Variants in AGT observed in about 807,000 individuals in gnomAD.
The protein encoded by AGT is angiotensinogen, also known as alpha-1 antiproteinase, antitrypsin.
A neutral mutation model predicts 28.1 loss-of-function variants in AGT; 26 were observed. That is an observed-to-expected ratio of 0.92 (90% CI 0.68 to 1.28). The LOEUF is 1.28. Ranked by LOEUF, AGT falls within the 50% of genes most tolerant of loss-of-function variation. The pLI is 0.00. For synonymous variants in AGT, 259 were observed against 259.6 expected (o/e 1.00, Z 0.02); for missense variants, 596 against 592.3 (o/e 1.01, Z -0.06).
At chr1:230,712,322 G>A (rs531960600) in intron 1 of AGT, among the ~76,000 whole-genome samples, 75 of 152,214 alleles carry the variant, frequency 4.9e-4, no homozygotes, top group Middle Eastern at 3.4e-3. Flanking sequence ...CCCTCAACAC[G>A]GTGCAGCTGC....
intron 1 of AGT, among the ~76,000 whole-genome samples, chr1:230,730,108 A>G (rs1341541039): frequency 6.6e-6 from 1 of 152,178 alleles, no homozygotes; most frequent in South Asian, 2.1e-4. Context: ...TTTAGTAGAG[A>G]CAGGGTTTCA....
Position 230,709,845 on chromosome 1 carries a change from G to A in AGT, c.829+150C>T, listed in dbSNP as rs371986889. The A allele has an allele frequency of 2.5e-4, 289 of 1,161,236 alleles. 1 individual carries two copies. The African/African-American group carries it at 2.6e-3, about 10-fold the overall frequency. The allele number at this position is 1,161,236 out of a possible 1,614,324, so 71.9% of individuals were successfully genotyped here. On this transcript the variant is annotated intron_variant, in intron 2 of 4. Transcript: ENST00000366667. ...TGGACGGCCCATCCAGGGACCCAGC[G>A]GAGCAGCCACTTCCCCACTTCTCAA...
chr1:230,728,833 A>G (rs1377862064), intron 1 of AGT, among the ~76,000 whole-genome samples: 1 of 152,206 alleles, frequency 6.6e-6, no homozygotes, highest in Non-Finnish European at 1.5e-5. Flanking sequence ...AACACATCCA[A>G]CACAACCTTA....
At chr1:230,727,834 A>G (rs1216214875) in intron 1 of AGT, among the ~76,000 whole-genome samples, 1 of 152,230 alleles carries the variant, frequency 6.6e-6, no homozygotes, top group Non-Finnish European at 1.5e-5. Flanking sequence ...TAATATTGTA[A>G]CCACCCAATT....
At chr1:230,735,318 G>A (rs1030088519) in intron 1 of AGT, among the ~76,000 whole-genome samples, 2 of 152,180 alleles carry the variant, frequency 1.3e-5, no homozygotes, top group Non-Finnish European at 2.9e-5. Context: ...GAGTGGGCGA[G>A]CAACCTGGTT....
chr1:230,710,805 T>A lies in AGT; in HGVS notation c.19A>T (p.Ser7Cys). 6.2e-7 allele frequency: 1 copy of A among 1,614,084 alleles called. No individual in the cohort carries two copies. The highest frequency in any genetic ancestry group is 8.5e-7 in the Non-Finnish European group (1 of 1,180,030). MAPAGV[S>C]LRATILCLLA... ...AGGCAGAGGATGGTGGCCCTCAGGC[T>A]CACACCGGCAGGAGCCATCTCAGAC... Residue 7 changes from serine to cysteine, a missense_variant, in exon 2 of 5, where the codon AGC becomes TGC. Transcript: ENST00000366667.
upstream of AGT, among the ~76,000 whole-genome samples, chr1:230,718,466 G>A (rs148660365): frequency 2.0e-3 from 297 of 152,008 alleles, no homozygotes; most frequent in African/African-American, 6.9e-3. Context: ...CATGTTGTAC[G>A]CTGGATCTCT....
intron 1 of AGT, among the ~76,000 whole-genome samples, chr1:230,727,708 A>C (rs545345325): frequency 1.3e-5 from 2 of 152,302 alleles, no homozygotes; most frequent in East Asian, 3.9e-4. Flanking sequence ...GGGAACCAAT[A>C]ATTCTCATCT....
At chr1:230,718,888 G>T (rs1385177147), upstream of AGT, among the ~76,000 whole-genome samples, 1 of 151,884 alleles carries the variant, frequency 6.6e-6, no homozygotes, top group Non-Finnish European at 1.5e-5. Flanking sequence ...ATGACACCTG[G>T]CCAACTTTTT....
chr1:230,737,848 T>C (rs1664182801), intron 1 of AGT, among the ~76,000 whole-genome samples: 1 of 152,180 alleles, frequency 6.6e-6, no homozygotes, highest in South Asian at 2.1e-4. Flanking sequence ...GATTTCATCA[T>C]CTCAAAAAGA....
intron 1 of AGT, among the ~76,000 whole-genome samples, chr1:230,723,852 C>A (rs1445353107): frequency 1.3e-5 from 2 of 152,152 alleles, no homozygotes; most frequent in Non-Finnish European, 2.9e-5. Context: ...GTGATATATG[C>A]ATTGTTGGTA....
At chr1:230,736,358 C>A (rs1017131159) in intron 1 of AGT, among the ~76,000 whole-genome samples, 3 of 151,976 alleles carry the variant, frequency 2.0e-5, no homozygotes, top group Admixed American at 1.3e-4. Context: ...CCCATCTCTA[C>A]TAAAAATACA....
At chr1:230,729,424 T>G (rs1217015613) in intron 1 of AGT, among the ~76,000 whole-genome samples, 1 of 152,252 alleles carries the variant, frequency 6.6e-6, no homozygotes, top group African/African-American at 2.4e-5. Context: ...AAACTTGTAA[T>G]TATAAGCACT....
At chr1:230,743,851 CAAG>C (rs1467291965) in intron 1 of AGT, among the ~76,000 whole-genome samples, 1 of 152,214 alleles carries the variant, frequency 6.6e-6, no homozygotes, top group East Asian at 1.9e-4. Context: ...TCAAGATGAA[CAAG>C]AAGAAGAGAA....
At chr1:230,715,221 A>G (rs894912196), upstream of AGT, among the ~76,000 whole-genome samples, 1 of 152,204 alleles carries the variant, frequency 6.6e-6, no homozygotes, top group African/African-American at 2.4e-5. Flanking sequence ...CCTCTTTTTT[A>G]CCCATTACTC....
At chr1:230,717,536 C>T (rs908069548), upstream of AGT, among the ~76,000 whole-genome samples, 1 of 152,094 alleles carries the variant, frequency 6.6e-6, no homozygotes, top group Non-Finnish European at 1.5e-5. Flanking sequence ...TGCCTCTGAG[C>T]CAAAACTAAT....
chr1:230,704,196 C>G lies in AGT; in HGVS notation c.1239G>C (p.Gly413=). 11 of 1,614,264 alleles carry G rather than the reference C, an allele frequency of 6.8e-6. No homozygotes were observed. The highest frequency in any genetic ancestry group is 8.5e-6 in the Non-Finnish European group (10 of 1,180,048). Residue 413 remains glycine (G), a synonymous_variant, in exon 4 of 5, where the codon GGG becomes GGC. Coordinates refer to ENST00000366667, the MANE Select transcript of AGT (RefSeq NM_001384479.1). ...QKLSNDRIRV[G]EVLNSIFFEL... ...ACAGACACAGGCTCACACATACCTC[C>G]CCCACCCTGATGCGGTCATTGCTCA...
chr1:230,723,309 G>C (rs937769836), intron 1 of AGT, among the ~76,000 whole-genome samples: 5 of 152,164 alleles, frequency 3.3e-5, no homozygotes, highest in Admixed American at 3.3e-4. Flanking sequence ...TATTTATTTA[G>C]AGCAGTGTGA....
At chr1:230,711,576 G>A (rs1322097937) in intron 1 of AGT, among the ~76,000 whole-genome samples, 1 of 152,052 alleles carries the variant, frequency 6.6e-6, no homozygotes, top group East Asian at 1.9e-4. Context: ...GCTCATTCGA[G>A]GGCCCTAGGG....
Sources: gnomAD v4.1 joint callset for allele counts (sites outside exome capture counted in the v4.1 genomes callset) on GRCh38, gnomAD v4.1.1 for gene constraint, MANE v1.5 for transcripts, NCBI Gene and HGNC (gene_info 2026-07-23, HGNC 2026-07-21) for gene names.